The following HNRNPC variants were observed in gnomAD, a reference collection of about 807,000 sequenced individuals.
The protein encoded by HNRNPC is heterogeneous nuclear ribonucleoproteins C1/C2.
HNRNPC carries 3 observed loss-of-function variants against 33.2 expected under a neutral mutation model. That is an observed-to-expected ratio of 0.09 (90% CI 0.04 to 0.23). The LOEUF is 0.23. Ranked by LOEUF, HNRNPC falls within the 10% of genes least tolerant of loss-of-function variation. The probability of loss-of-function intolerance (pLI) is 1.00; values close to 1 mark genes in which losing one functional copy is unlikely to be tolerated. For missense variants in HNRNPC, 143 were observed against 366.7 expected, an observed-to-expected ratio of 0.39 and a Z score of 4.98; for synonymous variants, 121 against 126.7, an observed-to-expected ratio of 0.96 and a Z score of 0.30.
intron 6 of HNRNPC, among the ~76,000 whole-genome samples, chr14:21,212,465 A>G (rs1891720655): frequency 6.6e-6 from 1 of 152,194 alleles, no homozygotes; most frequent in Non-Finnish European, 1.5e-5. Flanking sequence ...ATAAAGTCAA[A>G]TGACATTTTT....
intron 5 of HNRNPC, among the ~76,000 whole-genome samples, chr14:21,222,520 C>T (rs1188879722): frequency 3.9e-5 from 6 of 152,082 alleles, no homozygotes; most frequent in Non-Finnish European, 7.4e-5. Flanking sequence ...ATCAGTACTT[C>T]TTTCATTTTA....
At chr14:21,238,073 G>A (rs1432222630) in intron 2 of HNRNPC, among the ~76,000 whole-genome samples, 1 of 152,070 alleles carries the variant, frequency 6.6e-6, no homozygotes, top group Admixed American at 6.6e-5. Flanking sequence ...ACTCGGCCCT[G>A]ATCCCATTTT....
chr14:21,251,396 C>CA (rs1896657043), intron 2 of HNRNPC, among the ~76,000 whole-genome samples: 1 of 151,670 alleles, frequency 6.6e-6, no homozygotes, highest in South Asian at 2.1e-4. Flanking sequence ...ACAATGCTTG[C>CA]AGCCAGGTGT....
intron 2 of HNRNPC, chr14:21,262,487 C>T (rs942479562): frequency 2.0e-5 from 3 of 152,256 alleles, no homozygotes; most frequent in Admixed American, 6.5e-5. Context: ...AAGATGCACA[C>T]ACAAAAGTTT....
At chr14:21,212,151 C>G (rs1891679230) in intron 6 of HNRNPC, 2 of 470,314 alleles carry the variant, frequency 4.3e-6, no homozygotes, top group African/African-American at 3.9e-5. Context: ...GCTATGTTGA[C>G]CAGGCCTGAG....
chr14:21,245,950 A>C (rs1895937552), intron 2 of HNRNPC, among the ~76,000 whole-genome samples: 1 of 151,808 alleles, frequency 6.6e-6, no homozygotes, highest in South Asian at 2.1e-4. Context: ...GGTTCAAGCG[A>C]TTTTGCCACC....
At chr14:21,238,750 A>G (rs891879239) in intron 2 of HNRNPC, among the ~76,000 whole-genome samples, 2 of 152,092 alleles carry the variant, frequency 1.3e-5, no homozygotes, top group African/African-American at 4.8e-5. Context: ...ATCCTACTCT[A>G]TCACCATTTA....
intron 2 of HNRNPC, among the ~76,000 whole-genome samples, chr14:21,252,049 A>G (rs1189654015): frequency 3.9e-5 from 6 of 152,236 alleles, no homozygotes; most frequent in South Asian, 2.1e-4. Context: ...ACAGGAGATT[A>G]TATCTAAATT....
intron 5 of HNRNPC, chr14:21,213,329 T>G (rs755286662): frequency 1.3e-4 from 65 of 519,318 alleles, no homozygotes; most frequent in Non-Finnish European, 2.0e-4. Context: ...GTTGTAATAC[T>G]GTAGCAACTT....
chr14:21,255,323 C>G (rs1364299929), intron 2 of HNRNPC, among the ~76,000 whole-genome samples: 2 of 152,120 alleles, frequency 1.3e-5, no homozygotes, highest in Non-Finnish European at 2.9e-5. Flanking sequence ...ATATTTCAGA[C>G]TGGTAAAGTC....
At chr14:21,268,521 G>A (rs749335346) in intron 1 of HNRNPC, 11 of 152,206 alleles carry the variant, frequency 7.2e-5, no homozygotes, top group Middle Eastern at 6.8e-3. Context: ...GACTGACCTC[G>A]TGGTCAAATT....
intron 2 of HNRNPC, among the ~76,000 whole-genome samples, chr14:21,252,680 T>A (rs924573948): frequency 6.6e-6 from 1 of 152,142 alleles, no homozygotes; most frequent in Non-Finnish European, 1.5e-5. Context: ...TGTGGTTAAG[T>A]CCTAATTCTT....
chr14:21,234,336 T>G, intron 2 of HNRNPC, 107 bp from the exon 3 acceptor site: 1 of 980,756 alleles, frequency 1.0e-6, no homozygotes, highest in South Asian at 1.7e-5. Context: ...CCCAGAGTAT[T>G]AGGCAACTTA....
chr14:21,226,265 T>A (rs1449791840), intron 5 of HNRNPC, among the ~76,000 whole-genome samples: 1 of 98,050 alleles, frequency 1.0e-5, no homozygotes, highest in Non-Finnish European at 2.1e-5. Flanking sequence ...GAGGTTGCAG[T>A]GAACCGAGAT....
At chr14:21,223,836 C>A (rs1893121389) in intron 5 of HNRNPC, among the ~76,000 whole-genome samples, 1 of 152,078 alleles carries the variant, frequency 6.6e-6, no homozygotes, top group African/African-American at 2.4e-5. Flanking sequence ...ATCCTTCTGG[C>A]ACCTATATGT....
In HNRNPC at chr14:21,221,910, G is replaced by A. The variant is rs146808495; in HGVS notation, c.365+8409C>T. On this transcript the variant is annotated intron_variant, in intron 5 of 8. Transcript: ENST00000553300. ...AAAAATACAAAAATATTAGCCGGGC[G>A]TGGTGGCGGGCACCTGTAGTCTCAG... Among the ~76,000 whole-genome samples the A allele has an allele frequency of 1.5e-4, 23 of 151,750 alleles. No homozygotes were observed. In the East Asian group the frequency reaches 2.9e-3, roughly 19 times the overall value.
chr14:21,259,003 C>T (rs546941607), intron 2 of HNRNPC, among the ~76,000 whole-genome samples: 10 of 152,178 alleles, frequency 6.6e-5, no homozygotes, highest in Non-Finnish European at 1.5e-4. Context: ...CAAAATCCTT[C>T]AATAGATTCT....
chr14:21,234,955 A>G (rs754801646), intron 2 of HNRNPC: 2 of 150,492 alleles, frequency 1.3e-5, no homozygotes, highest in African/African-American at 2.4e-5. Context: ...TAGGACATTT[A>G]ATAATATCGG....
At chr14:21,227,501 G>A (rs992826627) in intron 5 of HNRNPC, among the ~76,000 whole-genome samples, 2 of 152,074 alleles carry the variant, frequency 1.3e-5, no homozygotes, top group African/African-American at 2.4e-5. Context: ...TACTAGTATC[G>A]GCTGGTGCAA....
Sources: gnomAD v4.1 joint callset for allele counts (sites outside exome capture counted in the v4.1 genomes callset) on GRCh38, gnomAD v4.1.1 for gene constraint, MANE v1.5 for transcripts, NCBI Gene and HGNC (gene_info 2026-07-23, HGNC 2026-07-21) for gene names.